Variants in BABAM2 observed in about 807,000 individuals in gnomAD.
BABAM2 encodes the protein BRISC and BRCA1 A complex member 2.
In BABAM2, 31 loss-of-function variants were observed where a neutral mutation model predicts 54.7. The observed-to-expected ratio is 0.57, with a 90% confidence interval of 0.43 to 0.77. The LOEUF (loss-of-function observed/expected upper bound fraction) is 0.77. Among genes scored for constraint, BABAM2 ranks in the 30% least tolerant of loss-of-function variants. BABAM2 has a pLI of 0.00. For missense variants in BABAM2, 364 were observed against 455.8 expected (o/e 0.80, Z 1.83); for synonymous variants, 167 against 162.9 (o/e 1.03, Z -0.19).
chr2:28,270,547 T>C (rs1685336650), intron 10 of BABAM2, among the ~76,000 whole-genome samples: 1 of 152,248 alleles, frequency 6.6e-6, no homozygotes, highest in Non-Finnish European at 1.5e-5. Flanking sequence ...GAGAGAGTTA[T>C]GGCTGCTGCT....
chr2:27,930,236 A>G (rs2148351870), intron 3 of BABAM2: 1 of 200,884 alleles, frequency 5.0e-6, no homozygotes, highest in Non-Finnish European at 1.0e-5. Flanking sequence ...GGCCATTTCG[A>G]AACAGTTTTT....
chr2:28,173,590 G>A (rs1674594519), intron 7 of BABAM2, among the ~76,000 whole-genome samples: 1 of 152,228 alleles, frequency 6.6e-6, no homozygotes, highest in African/African-American at 2.4e-5. Context: ...AGCGCAGCAG[G>A]GAGCAAGACT....
chr2:27,970,108 A>C (rs955575953), intron 3 of BABAM2, among the ~76,000 whole-genome samples: 1 of 151,972 alleles, frequency 6.6e-6, no homozygotes. Flanking sequence ...TATATGCTAT[A>C]TTTTTTCACT....
At chr2:27,980,272 C>A (rs1167996667) in intron 3 of BABAM2, among the ~76,000 whole-genome samples, 3 of 151,942 alleles carry the variant, frequency 2.0e-5, no homozygotes, top group Non-Finnish European at 1.5e-5. Flanking sequence ...AAGCAGTGTC[C>A]AGGTAATCTG....
intron 4 of BABAM2, among the ~76,000 whole-genome samples, chr2:28,011,201 T>C (rs1362050575): frequency 6.6e-6 from 1 of 152,172 alleles, no homozygotes; most frequent in Non-Finnish European, 1.5e-5. Context: ...TTACTAAATG[T>C]ATGTTTAGAC....
chr2:28,016,297 T>C (rs1674809077), intron 4 of BABAM2: 3 of 998,448 alleles, frequency 3.0e-6, no homozygotes, highest in Non-Finnish European at 3.1e-6. Context: ...TCATTTTTTC[T>C]TCACATTCAA....
intron 3 of BABAM2, among the ~76,000 whole-genome samples, chr2:27,965,430 G>A (rs558854676): frequency 1.3e-5 from 2 of 152,106 alleles, no homozygotes; most frequent in Admixed American, 1.3e-4. Flanking sequence ...TCAACTCATG[G>A]TCAATTCTAT....
At chr2:28,204,624 C>CG (rs1678634965) in intron 7 of BABAM2, among the ~76,000 whole-genome samples, 3 of 151,958 alleles carry the variant, frequency 2.0e-5, no homozygotes, top group African/African-American at 7.3e-5. Flanking sequence ...AAGTTTCACT[C>CG]GGTGGGAAAT....
chr2:28,333,012 T>C (rs1017312966), intron 11 of BABAM2, among the ~76,000 whole-genome samples: 1 of 152,096 alleles, frequency 6.6e-6, no homozygotes, highest in Non-Finnish European at 1.5e-5. Flanking sequence ...ACCCTAGACC[T>C]CTCACAGGTT....
chr2:28,202,646 C>T (rs1678403929), intron 7 of BABAM2, among the ~76,000 whole-genome samples: 1 of 152,210 alleles, frequency 6.6e-6, no homozygotes, highest in African/African-American at 2.4e-5. Flanking sequence ...TCATTCATCA[C>T]ATGCAGCTGG....
intron 6 of BABAM2, among the ~76,000 whole-genome samples, chr2:28,103,823 T>G (rs1667281506): frequency 6.6e-6 from 1 of 152,218 alleles, no homozygotes; most frequent in Admixed American, 6.5e-5. Flanking sequence ...AGTCAGCAGT[T>G]TAGTTGTCCA....
intron 5 of BABAM2, 130 bp downstream of exon 5, chr2:28,025,550 A>C: frequency 1.1e-6 from 1 of 901,936 alleles, no homozygotes; most frequent in Non-Finnish European, 1.6e-6. Context: ...TGTTTCTCAT[A>C]ATTTAGAGTT....
At chr2:27,951,924 A>G (rs917388742) in intron 3 of BABAM2, among the ~76,000 whole-genome samples, 3 of 152,200 alleles carry the variant, frequency 2.0e-5, no homozygotes, top group Admixed American at 6.5e-5. Flanking sequence ...AATGTGTACC[A>G]TATCTTTATT....
In BABAM2 at chr2:28,338,434, C is replaced by T. The variant is rs370915222; in HGVS notation, c.1089-16C>T. ...GTGCTAACCACAATTTTTTTTCTCC[C>T]CTTCTTTCCCACCAGGGCTTATTTC... On this transcript the variant is annotated splice_polypyrimidine_tract_variant and intron_variant, in intron 11 of 11. Transcript: ENST00000379624. 5 of 1,611,492 alleles carry T rather than the reference C, an allele frequency of 3.1e-6. No homozygotes were observed. In the African/African-American group the frequency reaches 5.3e-5, roughly 17 times the overall value.
chr2:28,193,963 G>A (rs958567720), intron 7 of BABAM2, among the ~76,000 whole-genome samples: 4 of 152,200 alleles, frequency 2.6e-5, no homozygotes, highest in African/African-American at 7.2e-5. Context: ...GGTGCTATGA[G>A]AGGAAAAGCA....
intron 3 of BABAM2, among the ~76,000 whole-genome samples, chr2:27,962,030 C>A (rs917059289): frequency 5.9e-5 from 9 of 151,860 alleles, no homozygotes; most frequent in Non-Finnish European, 1.2e-4. Flanking sequence ...ATGCCTGGCC[C>A]CCCTTAATTA....
intron 5 of BABAM2, among the ~76,000 whole-genome samples, chr2:28,031,914 A>G (rs1326991013): frequency 6.6e-6 from 1 of 152,234 alleles, no homozygotes; most frequent in African/African-American, 2.4e-5. Flanking sequence ...ACTGATCAGT[A>G]AAACACATCT....
In BABAM2 at chr2:28,322,291, C is replaced by T. The variant is rs947852435; in HGVS notation, c.1089-16159C>T. Among the ~76,000 whole-genome samples the T allele has an allele frequency of 4.6e-5, 7 of 152,166 alleles. No homozygotes were observed. The highest frequency in any genetic ancestry group is 8.8e-5 in the Non-Finnish European group (6 of 68,014). ...GAAGTATGAGCCACCAAGCTCCGCC[C>T]AAGGGTGACCACAGAAGTAGACAAC... On this transcript the variant is annotated intron_variant, in intron 11 of 11. Transcript: ENST00000379624. The surrounding 1 kb of genome is among the most constrained non-coding windows in gnomAD (Gnocchi z 4.1).
chr2:27,924,086 C>T lies in BABAM2; in HGVS notation c.129-5746C>T, dbSNP rs575135247. Among the ~76,000 whole-genome samples, 19 of 152,202 alleles carry T rather than the reference C, an allele frequency of 1.2e-4. No homozygotes were observed. In the South Asian group the frequency reaches 3.7e-3, roughly 30 times the overall value. On this transcript the variant is annotated intron_variant, in intron 2 of 11. Coordinates refer to ENST00000379624, the MANE Select transcript of BABAM2 (RefSeq NM_199191.3). ...AAATCTGTCTATGTGTGTAGATATA[C>T]ATACTTTCAAGTGTCCTTTTTCCAT... is the stretch of plus-strand genomic sequence containing the variant.
Sources: gnomAD v4.1 joint callset for allele counts (sites outside exome capture counted in the v4.1 genomes callset) on GRCh38, gnomAD v4.1.1 for gene constraint, Gnocchi (gnomAD v3.1) non-coding constraint, MANE v1.5 for transcripts, NCBI Gene and HGNC (gene_info 2026-07-23, HGNC 2026-07-21) for gene names.